The following SPATA13 variants were observed in gnomAD, a reference collection of about 807,000 sequenced individuals.
SPATA13 encodes the protein spermatogenesis-associated protein 13.
In SPATA13, 50 loss-of-function variants were observed where a neutral mutation model predicts 104.0. The ratio of observed to expected loss-of-function variants is 0.48; its 90% CI spans 0.38 to 0.61. The LOEUF (loss-of-function observed/expected upper bound fraction) is 0.61. Ranked by LOEUF, SPATA13 falls within the 20% of genes least tolerant of loss-of-function variation. SPATA13 has a pLI of 0.00. For synonymous variants in SPATA13, 606 were observed against 667.5 expected, an observed-to-expected ratio of 0.91 and a Z score of 1.42; for missense variants, 1,524 against 1,690.6, an observed-to-expected ratio of 0.90 and a Z score of 1.73.
chr13:24,183,461 C>T (rs1868937005), intron 1 of SPATA13, among the ~76,000 whole-genome samples: 1 of 152,144 alleles, frequency 6.6e-6, no homozygotes, highest in Non-Finnish European at 1.5e-5. Context: ...GTAAGTTTTC[C>T]AAGAGGTACA....
intron 2 of SPATA13, among the ~76,000 whole-genome samples, chr13:23,985,711 T>C (rs1037365372): frequency 2.0e-5 from 3 of 152,202 alleles, no homozygotes; most frequent in Admixed American, 6.5e-5. Flanking sequence ...TCGTAAATCA[T>C]TGGAAAGTCC....
chr13:24,020,499 T>C (rs1242145861), intron 3 of SPATA13, among the ~76,000 whole-genome samples: 1 of 152,200 alleles, frequency 6.6e-6, no homozygotes, highest in East Asian at 1.9e-4. Context: ...CCAGTTTCCC[T>C]CAGAGGCCGT....
At chr13:24,130,226 C>T (rs1051331907) in intron 3 of SPATA13, among the ~76,000 whole-genome samples, 7 of 152,266 alleles carry the variant, frequency 4.6e-5, no homozygotes, top group Admixed American at 2.6e-4. Context: ...GGGAGTCCAC[C>T]CTGGAAGCCA....
Position 24,278,922 on chromosome 13 carries a change from TTC to T in SPATA13, c.2165-5212_2165-5211del, listed in dbSNP as rs1566188147. On this transcript the variant is annotated intron_variant, in intron 4 of 12. Coordinates refer to ENST00000382108, the MANE Select transcript of SPATA13 (RefSeq NM_001166271.3). ...CTTCCTTCCTTCCTTCCTTCCTTCCTTCCCTCTTTCCTTCCTTCCTTCCTTCC... is the reference window on the plus strand; with the variant it reads ...CTTCCTTCCTTCCTTCCTTCCTTCCTCCTCTTTCCTTCCTTCCTTCCTTCC... 3 of 1,082,902 alleles carry T rather than the reference TTC, an allele frequency of 2.8e-6. No homozygotes were observed. The East Asian group carries it at 9.4e-5, about 34-fold the overall frequency. The allele number at this position is 1,082,902 out of a possible 1,614,324, so 67.1% of individuals were successfully genotyped here. A position where few individuals can be genotyped will look rare whatever the true frequency, so the allele number is the denominator to read the frequency against.
At chr13:24,016,265 C>G (rs17349638) in intron 2 of SPATA13, among the ~76,000 whole-genome samples, 33,805 of 152,140 alleles carry the variant, frequency 0.22, 4,842 homozygotes, top group Non-Finnish European at 0.31. Flanking sequence ...CTCCATCCTC[C>G]AGGACGTGGC....
intron 8 of SPATA13, 71 bp from the exon 9 acceptor site, chr13:24,290,581 G>C (rs1228456279): frequency 6.1e-6 from 7 of 1,148,958 alleles, no homozygotes; most frequent in Non-Finnish European, 9.2e-6. Flanking sequence ...GAGAGGGCTG[G>C]GATGATGCCT....
chr13:24,074,764 T>C (rs1412446520), intron 3 of SPATA13, among the ~76,000 whole-genome samples: 1 of 152,216 alleles, frequency 6.6e-6, no homozygotes, highest in Non-Finnish European at 1.5e-5. Context: ...GATTCTTGAA[T>C]TGGGCAGCAC....
chr13:24,095,746 T>C (rs960482491), intron 3 of SPATA13, among the ~76,000 whole-genome samples: 26 of 152,196 alleles, frequency 1.7e-4, no homozygotes, highest in Non-Finnish European at 3.5e-4. Flanking sequence ...TTTGGTTCCC[T>C]GGGTTAACTT....
intron 3 of SPATA13, among the ~76,000 whole-genome samples, chr13:24,117,692 A>C (rs371110092): frequency 7.9e-5 from 12 of 152,258 alleles, no homozygotes; most frequent in African/African-American, 1.4e-4. Flanking sequence ...GAGAAAAAAA[A>C]CCCCAAACTC....
chr13:24,185,464 A>C (rs1230082880), intron 1 of SPATA13, among the ~76,000 whole-genome samples: 3 of 152,200 alleles, frequency 2.0e-5, no homozygotes, highest in Non-Finnish European at 4.4e-5. Context: ...TGAAAGAACC[A>C]AGATTTTAAA....
At chr13:24,256,779 G>T (rs1215053176) in intron 4 of SPATA13, among the ~76,000 whole-genome samples, 2 of 152,226 alleles carry the variant, frequency 1.3e-5, no homozygotes, top group African/African-American at 4.8e-5. Context: ...GCTACTGGGT[G>T]TGTTATTTGG....
chr13:24,221,288 C>G (rs139179173), intron 1 of SPATA13, among the ~76,000 whole-genome samples: 7 of 152,254 alleles, frequency 4.6e-5, no homozygotes, highest in African/African-American at 1.4e-4. Context: ...TACTCAGTGA[C>G]GTTATGTTTT....
At chr13:24,294,702 C>A in intron 9 of SPATA13, 37 bp from the exon 10 acceptor site, 1 of 1,562,442 alleles carries the variant, frequency 6.4e-7, no homozygotes, top group East Asian at 2.3e-5. Context: ...TTGTAAGGTG[C>A]ATGTTATGTG....
chr13:24,018,423 AG>A (rs1876816046), intron 3 of SPATA13, among the ~76,000 whole-genome samples: 1 of 152,234 alleles, frequency 6.6e-6, no homozygotes, highest in South Asian at 2.1e-4. Context: ...AATCTGAGGA[AG>A]GTCTTTTAGG....
At chr13:24,291,996 T>TA (rs1373308430) in intron 9 of SPATA13, among the ~76,000 whole-genome samples, 1 of 151,740 alleles carries the variant, frequency 6.6e-6, no homozygotes, top group Non-Finnish European at 1.5e-5. Context: ...GACCTCATGA[T>TA]CCACCCGCCT....
chr13:24,069,339 C>G (rs1010746652), intron 3 of SPATA13, among the ~76,000 whole-genome samples: 1 of 152,168 alleles, frequency 6.6e-6, no homozygotes, highest in South Asian at 2.1e-4. Flanking sequence ...TCTTTCACCT[C>G]CCTGGTTAGC....
chr13:24,188,915 T>C (rs1869334221), intron 1 of SPATA13, among the ~76,000 whole-genome samples: 1 of 152,138 alleles, frequency 6.6e-6, no homozygotes, highest in Non-Finnish European at 1.5e-5. Flanking sequence ...TTATGCTAAA[T>C]CTACTCTGCC....
chr13:24,009,607 G>A (rs9510990), intron 2 of SPATA13, among the ~76,000 whole-genome samples: 42,260 of 152,040 alleles, frequency 0.28, 7,195 homozygotes, highest in Non-Finnish European at 0.37. Flanking sequence ...TTTCTGAATG[G>A]CAATTGATTG....
chr13:24,228,726 A>G (rs1872091479), intron 2 of SPATA13, among the ~76,000 whole-genome samples: 1 of 152,192 alleles, frequency 6.6e-6, no homozygotes, highest in African/African-American at 2.4e-5. Flanking sequence ...TATTCAGCTC[A>G]TTAACAGTAA....
Sources: gnomAD v4.1 joint callset for allele counts (sites outside exome capture counted in the v4.1 genomes callset) on GRCh38, gnomAD v4.1.1 for gene constraint, MANE v1.5 for transcripts, NCBI Gene and HGNC (gene_info 2026-07-23, HGNC 2026-07-21) for gene names.